MSH6: variants seen among roughly 807,000 people sequenced by gnomAD.
MSH6 encodes DNA mismatch repair protein Msh6.
MSH6 carries 85 observed loss-of-function variants against 119.1 expected under a neutral mutation model. The observed-to-expected ratio is 0.71, with a 90% CI of 0.60 to 0.85. The LOEUF is 0.85. Among genes scored for constraint, MSH6 ranks in the 40% least tolerant of loss-of-function variants. The pLI, the probability that MSH6 is intolerant of heterozygous loss-of-function variation, is 0.00. For missense variants in MSH6, 2,163 were observed against 1,655.3 expected (o/e 1.31, Z -5.32); for synonymous variants, 830 against 586.9 (o/e 1.41, Z -5.99).
chr2:47,806,842 T>TTTGA lies in MSH6; in HGVS notation c.4068_4071dup (p.Lys1358AspfsTer2), dbSNP rs55740729. The TTTGA allele has an allele frequency of 7.9e-4, 1,274 of 1,612,404 alleles. 26 individuals are homozygous for TTTGA. The East Asian group carries it at 0.023, about 30-fold the overall frequency. On this transcript the variant is annotated frameshift_variant, in exon 10 of 10. Transcript: ENST00000234420. LOFTEE classifies it high-confidence loss of function. ...CTGAAGCTGTCCATAAATTGCTGAC[T>TTTGA]TTGATTAAGGAATTATAGACTGACT...
intron 9 of MSH6, 48 bp downstream of exon 9, chr2:47,806,699 CAAAGAAACAGTA>C (rs756363367): frequency 2.5e-6 from 4 of 1,571,424 alleles, no homozygotes; most frequent in Non-Finnish European, 3.5e-6. Flanking sequence ...CCTTAAGTTT[CAAAGAAACAGTA>C]AAAGGGGAAG....
At chr2:47,784,273 G>A (rs1668211157) in intron 1 of MSH6, 1 of 986,688 alleles carries the variant, frequency 1.0e-6, no homozygotes. Context: ...GACGAAGATA[G>A]AATATTTTGA....
At chr2:47,791,675 CTTTT>C (rs575880393) in intron 2 of MSH6, among the ~76,000 whole-genome samples, 1 of 132,506 alleles carries the variant, frequency 7.5e-6, no homozygotes, top group African/African-American at 2.8e-5. Flanking sequence ...CTCTTTCTTT[CTTTT>C]TTTTTTTTTT....
intron 2 of MSH6, among the ~76,000 whole-genome samples, chr2:47,792,986 T>C (rs1422590120): frequency 6.6e-6 from 1 of 151,832 alleles, no homozygotes; most frequent in Non-Finnish European, 1.5e-5. Context: ...AGTAACTTAT[T>C]TTCTGATACT....
Position 47,796,054 on chromosome 2 carries a change from A to G in MSH6, c.618A>G (p.Glu206=), listed in dbSNP as rs758635514. ...CDEPSEPEEE[E]EMEVGTTYVT... is the part of the protein sequence containing the mutation. ...AGCCCTCAGAGCCAGAAGAGGAAGA[A>G]GAGATGGAGGTGGGACACGGCAAGC... Residue 206 remains glutamate, a synonymous_variant, in exon 3 of 10, where the codon GAA becomes GAG. Coordinates refer to ENST00000234420, the MANE Select transcript of MSH6 (RefSeq NM_000179.3). The G allele has an allele frequency of 6.8e-6, 11 of 1,614,170 alleles. No homozygotes were observed. Among genetic ancestry groups the G allele is most frequent in the South Asian group, 1.1e-5 (1 of 91,086 alleles).
intron 1 of MSH6, among the ~76,000 whole-genome samples, chr2:47,786,336 T>A (rs958920621): frequency 2.6e-5 from 4 of 151,540 alleles, no homozygotes; most frequent in Admixed American, 1.3e-4. Flanking sequence ...ATGTTGAGCG[T>A]ATTTTTTTTT....
intron 1 of MSH6, among the ~76,000 whole-genome samples, chr2:47,786,333 G>A (rs1668344018): frequency 6.6e-6 from 1 of 151,752 alleles, no homozygotes; most frequent in South Asian, 2.1e-4. Flanking sequence ...AACATGTTGA[G>A]CGTATTTTTT....
chr2:47,808,312 G>C (rs374404244), downstream of MSH6: 24 of 1,612,234 alleles, frequency 1.5e-5, no homozygotes, highest in African/African-American at 2.5e-4. Context: ...AATATATCAA[G>C]CAAGTGTGCT....
intron 6 of MSH6, 98 bp downstream of exon 6, chr2:47,805,125 G>T: frequency 1.2e-6 from 1 of 832,620 alleles, no homozygotes. Flanking sequence ...TCTAATATTT[G>T]ATTTTTCTGG....
chr2:47,795,943 G>T lies in MSH6; in HGVS notation c.507G>T (p.Lys169Asn). Residue 169 changes from lysine to asparagine, a missense_variant, in exon 3 of 10, where the codon AAG becomes AAT. Transcript: ENST00000234420. Reference sequence around the variant, plus strand: ...AGGGAGGTCATTTTTACAGTGCAAAGCCTGAAATACTGAGAGCAATGCAAC... The same window carrying T: ...AGGGAGGTCATTTTTACAGTGCAAATCCTGAAATACTGAGAGCAATGCAAC... ...AQKGGHFYSA[K>N]PEILRAMQRA... is the part of the protein sequence containing the mutation. 6.2e-7 allele frequency: 1 copy of T among 1,614,132 alleles called. No homozygotes were observed. The highest frequency in any genetic ancestry group is 8.5e-7 in the Non-Finnish European group (1 of 1,180,010).
chr2:47,799,703 T>C lies in MSH6; in HGVS notation c.1720T>C (p.Ser574Pro). 6.2e-7 allele frequency: 1 copy of C among 1,614,220 alleles called. No homozygotes were observed. The highest frequency in any genetic ancestry group is 8.5e-7 in the Non-Finnish European group (1 of 1,180,040). ...SLGKFFIGQF[S>P]DDRHCSRFRT... ...GGGAAAGTTTTTCATAGGTCAGTTT[T>C]CAGATGATCGCCATTGTTCGAGATT... Residue 574 changes from serine to proline, a missense_variant, in exon 4 of 10, where the codon TCA becomes CCA. Transcript: ENST00000234420.
downstream of MSH6, chr2:47,808,422 T>C (rs1670373666): frequency 6.3e-7 from 1 of 1,586,298 alleles, no homozygotes. Context: ...GTTACAAGTA[T>C]GACATCTAAA....
chr2:47,806,673 A>G (rs766261376), intron 9 of MSH6, 22 bp downstream of exon 9: 1 of 1,589,552 alleles, frequency 6.3e-7, no homozygotes, highest in Non-Finnish European at 8.6e-7. Context: ...ACTATAATGG[A>G]ATTATAACTA....
intron 5 of MSH6, among the ~76,000 whole-genome samples, chr2:47,804,491 C>G (rs938710215): frequency 6.6e-6 from 1 of 150,410 alleles, no homozygotes; most frequent in African/African-American, 2.5e-5. Context: ...GATTTCCAAA[C>G]TTTTTCTTTA....
rs754872285 is a variant in MSH6 at position 47,801,226 on chromosome 2, A to T, written c.3172+71A>T. The T allele has an allele frequency of 1.6e-5, 24 of 1,480,754 alleles. No individual in the cohort carries two copies. In the South Asian group the frequency reaches 2.6e-4, roughly 16 times the overall value. 91.7% of individuals were successfully genotyped at this position (1,480,754 alleles called of 1,614,324 possible). A position where few individuals can be genotyped will look rare whatever the true frequency, so the allele number is the denominator to read the frequency against. ...TGTTTGCCAGCTGTATATTATCCCT[A>T]AAAATAAGTAATAAGGTATATATGG... On this transcript the variant is annotated intron_variant, in intron 4 of 9. Transcript: ENST00000234420.
At chr2:47,795,277 TC>T (rs772027298) in intron 2 of MSH6, among the ~76,000 whole-genome samples, 2 of 152,122 alleles carry the variant, frequency 1.3e-5, no homozygotes, top group Non-Finnish European at 2.9e-5. Context: ...CAGTAGTTTT[TC>T]CCTGAATATT....
chr2:47,790,355 C>G (rs1668650855), intron 1 of MSH6, among the ~76,000 whole-genome samples: 1 of 152,180 alleles, frequency 6.6e-6, no homozygotes, highest in South Asian at 2.1e-4. Context: ...ACCGGGGAGG[C>G]ACGTTACGCC....
downstream of MSH6, chr2:47,809,566 CAT>C (rs780405624): frequency 1.4e-6 from 2 of 1,420,884 alleles, no homozygotes; most frequent in South Asian, 2.4e-5. Context: ...TGGCATATTG[CAT>C]ATATTTATAG....
chr2:47,783,213 T>A lies in MSH6; in HGVS notation c.-21T>A, dbSNP rs2103929319. The A allele has an allele frequency of 1.2e-6, 2 of 1,610,902 alleles. No individual in the cohort carries two copies. Among genetic ancestry groups the A allele is most frequent in the Non-Finnish European group, 8.5e-7 (1 of 1,179,194 alleles). On this transcript the variant is annotated 5_prime_UTR_variant, in exon 1 of 10. Coordinates refer to ENST00000234420, the MANE Select transcript of MSH6 (RefSeq NM_000179.3). Reference sequence around the variant, plus strand: ...TAGGAGCTCCGTCCGACAGAACGGTTGGGCCTTGCCGGCTGTCGGTATGTC... The same window carrying A: ...TAGGAGCTCCGTCCGACAGAACGGTAGGGCCTTGCCGGCTGTCGGTATGTC...
Sources: gnomAD v4.1 joint callset for allele counts (sites outside exome capture counted in the v4.1 genomes callset) on GRCh38, gnomAD v4.1.1 for gene constraint, MANE v1.5 for transcripts, NCBI Gene and HGNC (gene_info 2026-07-23, HGNC 2026-07-21) for gene names.